Variants in LUC7L3 observed in about 807,000 individuals in gnomAD.
LUC7L3 encodes LUC7 like 3 pre-mRNA splicing factor, also known as luc7-like protein 3.
Under a neutral mutation model 66.8 loss-of-function variants are expected in LUC7L3, and 6 were observed. That is an observed-to-expected ratio of 0.09 (90% confidence interval 0.05 to 0.18). LUC7L3 has a LOEUF of 0.18. LUC7L3 is among the 10% of genes least tolerant of loss of function. LUC7L3 has a pLI of 1.00. For missense variants in LUC7L3, 341 were observed against 531.1 expected (o/e 0.64, Z 3.52); for synonymous variants, 160 against 174.7 (o/e 0.92, Z 0.66).
In LUC7L3 at chr17:50,751,512, A is replaced by C. The variant is rs1212787001; in HGVS notation, c.*851A>C. 1 of 1,179,440 alleles carries C rather than the reference A, an allele frequency of 8.5e-7. No homozygotes were observed. Among genetic ancestry groups the C allele is most frequent in the Non-Finnish European group, 1.1e-6 (1 of 936,308 alleles). The allele number at this position is 1,179,440 out of a possible 1,614,324, so 73.1% of individuals were successfully genotyped here. ...TGTATTGCGTGAAAACTTATAAAAC[A>C]AATGTTAACAGAATGGAATTTTTTT... is the stretch of plus-strand genomic sequence containing the variant. On this transcript the variant is annotated 3_prime_UTR_variant, in exon 10 of 10. Transcript: ENST00000505658.
rs183184800 is a variant in LUC7L3 at position 50,726,940 on chromosome 17, T to C, written c.99+7109T>C. Among the ~76,000 whole-genome samples the C allele has an allele frequency of 7.2e-5, 11 of 152,060 alleles. No homozygotes were observed. The East Asian group carries it at 1.5e-3, about 21-fold the overall frequency. ...CCTGTCTCTACTAAAAATACAAAAA[T>C]TAGCCAGGCGTTGTGGCCGGTGCTT... On this transcript the variant is annotated intron_variant, in intron 1 of 9. Coordinates refer to ENST00000505658, the MANE Select transcript of LUC7L3 (RefSeq NM_016424.5).
chr17:50,741,011 G>A, intron 3 of LUC7L3, 91 bp from the exon 4 acceptor site: 9 of 1,249,836 alleles, frequency 7.2e-6, no homozygotes, highest in Non-Finnish European at 9.3e-6. Context: ...AGCCTAAATG[G>A]AATAGTCGTT....
rs931214433 is a variant in LUC7L3, at chr17:50,745,044, C to T, written c.693+231C>T. ...TCGCTTTGTTACCCAGGCTGAAGTA[C>T]AGTGGCGTGATCTCGGCTCACCGCA... On this transcript the variant is annotated intron_variant, in intron 7 of 9. Coordinates refer to ENST00000505658, the MANE Select transcript of LUC7L3 (RefSeq NM_016424.5). Among the ~76,000 whole-genome samples the T allele has an allele frequency of 5.9e-5, 9 of 152,108 alleles. No individual in the cohort carries two copies. In the South Asian group the frequency reaches 1.5e-3, roughly 25 times the overall value.
At chr17:50,738,515 C>G (rs1036954956) in intron 2 of LUC7L3, among the ~76,000 whole-genome samples, 1 of 152,020 alleles carries the variant, frequency 6.6e-6, no homozygotes, top group African/African-American at 2.4e-5. Context: ...TGAGAAGACA[C>G]TATATTCTTC....
intron 1 of LUC7L3, among the ~76,000 whole-genome samples, chr17:50,729,928 AT>A (rs1567860605): frequency 2.5e-5 from 1 of 39,596 alleles, no homozygotes; most frequent in East Asian, 7.1e-4. Flanking sequence ...ATATATATAT[AT>A]ATATATATAT....
rs1010430726 is a variant in LUC7L3, at chr17:50,754,793, A to C, written c.*4132A>C. ...CTCCTTAGGCATTCTGGTTCCTTAA[A>C]TATAGTTAGTGTCACAGAGGATAAA... On this transcript the variant is annotated 3_prime_UTR_variant, in exon 10 of 10. Coordinates refer to ENST00000505658, the MANE Select transcript of LUC7L3 (RefSeq NM_016424.5). 6.6e-6 allele frequency: 1 copy of C among 152,212 alleles called. No individual in the cohort carries two copies. The highest frequency in any genetic ancestry group is 1.9e-4 in the East Asian group (1 of 5,200). 9.4% of individuals were successfully genotyped at this position (152,212 alleles called of 1,614,324 possible).
Position 50,752,033 on chromosome 17 carries a change from G to A in LUC7L3, c.*1372G>A. ...TTCACACTTAGGCAAGCATACACAGGCACATGGCTTTAAGAACCACACTGA... is the reference window on the plus strand; with the variant it reads ...TTCACACTTAGGCAAGCATACACAGACACATGGCTTTAAGAACCACACTGA... On this transcript the variant is annotated 3_prime_UTR_variant, in exon 10 of 10. Coordinates refer to ENST00000505658, the MANE Select transcript of LUC7L3 (RefSeq NM_016424.5). The A allele has an allele frequency of 2.7e-6, 3 of 1,123,098 alleles. No individual in the cohort carries two copies. Among genetic ancestry groups the A allele is most frequent in the Non-Finnish European group, 3.3e-6 (3 of 908,188 alleles). The allele number at this position is 1,123,098 out of a possible 1,614,324, so 69.6% of individuals were successfully genotyped here.
rs565775397 is a variant in LUC7L3, at chr17:50,726,258, G to A, written c.99+6427G>A. The stretch of plus-strand genomic sequence containing the variant: ...GCCATCTCGGCTCACTGCAACCTCT[G>A]CTTCCCAGGTTCAAGCAGTTCTCAT... On this transcript the variant is annotated intron_variant, in intron 1 of 9. Transcript: ENST00000505658. Among the ~76,000 whole-genome samples the A allele has an allele frequency of 3.3e-5, 5 of 152,262 alleles. No individual in the cohort carries two copies. In the South Asian group the frequency reaches 1.0e-3, roughly 32 times the overall value.
chr17:50,751,390 A>C lies in LUC7L3; in HGVS notation c.*729A>C. On this transcript the variant is annotated 3_prime_UTR_variant, in exon 10 of 10. Transcript: ENST00000505658. ...ACTCATGCCAGGTACTCCTTTCTCT[A>C]CCCACATCCATGTTTGAATGCTATT... 1 of 1,291,328 alleles carries C rather than the reference A, an allele frequency of 7.7e-7. No individual in the cohort carries two copies. The highest frequency in any genetic ancestry group is 1.0e-6 in the Non-Finnish European group (1 of 990,086). 80.0% of individuals were successfully genotyped at this position (1,291,328 alleles called of 1,614,324 possible).
intron 4 of LUC7L3, 68 bp downstream of exon 4, chr17:50,741,314 A>C: frequency 6.8e-7 from 1 of 1,473,412 alleles, no homozygotes; most frequent in Non-Finnish European, 9.2e-7. Flanking sequence ...CCTCCCTAAT[A>C]TTTTTGAAAC....
At chr17:50,740,263 T>C (rs1162330991) in intron 2 of LUC7L3, 43 bp from the exon 3 acceptor site, 2 of 1,428,576 alleles carry the variant, frequency 1.4e-6, no homozygotes, top group South Asian at 1.2e-5. Flanking sequence ...AAAAGGTTGC[T>C]AATAATCACA....
At chr17:50,739,613 C>T (rs1170507908) in intron 2 of LUC7L3, among the ~76,000 whole-genome samples, 1 of 151,924 alleles carries the variant, frequency 6.6e-6, no homozygotes, top group Non-Finnish European at 1.5e-5. Context: ...AAAATTGCGC[C>T]GCTGCACTCC....
At chr17:50,746,169 C>T (rs1308343960) in intron 8 of LUC7L3, among the ~76,000 whole-genome samples, 166 bp downstream of exon 8, 2 of 152,130 alleles carry the variant, frequency 1.3e-5, no homozygotes, top group African/African-American at 2.4e-5. Flanking sequence ...GTTCCATCTT[C>T]GGGGCAACTT....
intron 7 of LUC7L3, 91 bp from the exon 8 acceptor site, chr17:50,745,629 G>A (rs1970624492): frequency 2.1e-6 from 2 of 932,898 alleles, no homozygotes; most frequent in African/African-American, 1.7e-5. Context: ...AATTCCATAA[G>A]TTGGTCTACA....
chr17:50,729,224 T>C (rs971076089), intron 1 of LUC7L3, among the ~76,000 whole-genome samples: 3 of 152,102 alleles, frequency 2.0e-5, no homozygotes, highest in Non-Finnish European at 4.4e-5. Flanking sequence ...GGTGAATCAG[T>C]GAGTGATGGC....
At position 50,719,810 on chromosome 17, in the gene LUC7L3, C is replaced by T; in HGVS notation, c.78C>T (p.Asn26=). The T allele has an allele frequency of 1.9e-6, 3 of 1,611,130 alleles. No homozygotes were observed. Among genetic ancestry groups the T allele is most frequent in the Non-Finnish European group, 1.7e-6 (2 of 1,178,924 alleles). Residue 26 remains asparagine (N), a synonymous_variant, in exon 1 of 10, where the codon AAC becomes AAT. Coordinates refer to ENST00000505658, the MANE Select transcript of LUC7L3 (RefSeq NM_016424.5). ...TAGCCCCGGACGAGAAGCGCAGCAACGTGCGGTGGGACCACGAGAGCGTAA... is the reference window on the plus strand; with the variant it reads ...TAGCCCCGGACGAGAAGCGCAGCAATGTGCGGTGGGACCACGAGAGCGTAA... ...RNLAPDEKRS[N]VRWDHESVCK...
rs769164955 is a variant in LUC7L3 at position 50,751,221 on chromosome 17, C to T, written c.*560C>T. 3 of 1,423,362 alleles carry T rather than the reference C, an allele frequency of 2.1e-6. No individual in the cohort carries two copies. The highest frequency in any genetic ancestry group is 1.9e-6 in the Non-Finnish European group (2 of 1,076,508). The allele number at this position is 1,423,362 out of a possible 1,614,324, so 88.2% of individuals were successfully genotyped here. On this transcript the variant is annotated 3_prime_UTR_variant, in exon 10 of 10. Transcript: ENST00000505658. ...TTCTAATGCAGTTTGTTCTGTAACTCGAGAGCCAGTAGCATTGGATTGATG... is the reference window on the plus strand; with the variant it reads ...TTCTAATGCAGTTTGTTCTGTAACTTGAGAGCCAGTAGCATTGGATTGATG...
At chr17:50,745,138 C>G (rs1474611781) in intron 7 of LUC7L3, among the ~76,000 whole-genome samples, 1 of 152,108 alleles carries the variant, frequency 6.6e-6, no homozygotes, top group Non-Finnish European at 1.5e-5. Context: ...TACAGGCACA[C>G]ACTACCACGC....
rs1269403576 is a variant in LUC7L3, at chr17:50,745,935, A to G, written c.909A>G (p.Thr303=). 7.4e-6 allele frequency: 12 copies of G among 1,613,342 alleles called. No homozygotes were observed. Among genetic ancestry groups the G allele is most frequent in the Non-Finnish European group, 1.0e-5 (12 of 1,179,878 alleles). The change falls in exon 8 of 10, where the codon ACA becomes ACG. Residue 303 remains threonine, a synonymous_variant. Transcript: ENST00000505658. The stretch of plus-strand genomic sequence containing the variant: ...CACGAAGTAGACACTCAAGCCGAAC[A>G]TCAGACAGAAGATGCAGCAGGTCTC... ...SRSRSRHSSR[T]SDRRCSRSRD... is the part of the protein sequence containing the mutation.
Sources: allele counts gnomAD v4.1 joint callset (sites outside exome capture counted in the v4.1 genomes callset), GRCh38; gene constraint gnomAD v4.1.1; transcripts MANE v1.5; gene names NCBI Gene and HGNC (gene_info 2026-07-23, HGNC 2026-07-21).